Variants in CCDC92B observed in about 807,000 individuals in gnomAD.
CCDC92B encodes the protein coiled-coil domain-containing 92B.
A neutral mutation model predicts 5.6 loss-of-function variants in CCDC92B; 2 were observed. The observed-to-expected ratio is 0.36, with a 90% CI of 0.15 to 1.12. The LOEUF (loss-of-function observed/expected upper bound fraction) is 1.12. CCDC92B is among the 50% of genes most tolerant of loss of function. The pLI is 0.40. For synonymous variants in CCDC92B, 115 were observed against 122.3 expected (o/e 0.94, Z 0.39); for missense variants, 271 against 262.2 (o/e 1.03, Z -0.23).
At chr17:2,748,537 TG>T in intron 1 of CCDC92B, 1 of 965,028 alleles carries the variant, frequency 1.0e-6, no homozygotes, top group South Asian at 4.8e-5. Flanking sequence ...TGTGTGTGTG[TG>T]TGCATGTGCC....
chr17:2,730,519 G>A (rs1163840547), intron 2 of CCDC92B, 26 bp from the exon 3 acceptor site: 1 of 920,028 alleles, frequency 1.1e-6, no homozygotes, highest in Non-Finnish European at 1.3e-6. Context: ...AGAAAAGGCA[G>A]TTTGTGTGTG....
chr17:2,726,344 A>ATT (rs578243138), intron 3 of CCDC92B, among the ~76,000 whole-genome samples: 60 of 144,202 alleles, frequency 4.2e-4, no homozygotes, highest in Middle Eastern at 7.4e-3. Context: ...TGCCTGGCTT[A>ATT]TTTTTTTTTT....
At chr17:2,736,774 G>C (rs934894610) in intron 1 of CCDC92B, among the ~76,000 whole-genome samples, 1 of 150,700 alleles carries the variant, frequency 6.6e-6, no homozygotes, top group Non-Finnish European at 1.5e-5. Flanking sequence ...TCAGCTACTC[G>C]GGAGGCTGAG....
intron 1 of CCDC92B, among the ~76,000 whole-genome samples, chr17:2,745,489 G>C (rs1267115414): frequency 6.6e-6 from 1 of 152,136 alleles, no homozygotes; most frequent in Non-Finnish European, 1.5e-5. Context: ...AACTAGGCAG[G>C]CTGCTTTTCT....
intron 2 of CCDC92B, among the ~76,000 whole-genome samples, chr17:2,732,780 G>GAAGC: frequency 6.6e-6 from 1 of 151,396 alleles, no homozygotes; most frequent in Non-Finnish European, 1.5e-5. Flanking sequence ...TTGGGAGGCC[G>GAAGC]AGGTGGGCGG....
chr17:2,732,590 A>T (rs1194536296), intron 2 of CCDC92B, among the ~76,000 whole-genome samples: 1 of 151,790 alleles, frequency 6.6e-6, no homozygotes. Flanking sequence ...GGTGGCGGGC[A>T]CCTGTAATCC....
At position 2,723,938 on chromosome 17, in the gene CCDC92B, A is replaced by G. The variant is rs907060032; in HGVS notation, c.*473T>C. The G allele has an allele frequency of 3.2e-6, 3 of 948,370 alleles. No individual in the cohort carries two copies. Among genetic ancestry groups the G allele is most frequent in the Non-Finnish European group, 1.2e-6 (1 of 818,758 alleles). The allele number at this position is 948,370 out of a possible 1,614,324, so 58.7% of individuals were successfully genotyped here. ...GCCTGGGCCTCTCCTGGGGAGGAAG[A>G]AGGCTTGGCGGGAAGGGCGTCGGCG... On this transcript the variant is annotated 3_prime_UTR_variant, in exon 4 of 4. Coordinates refer to ENST00000614400, the MANE Select transcript of CCDC92B (RefSeq NM_001355573.2).
chr17:2,735,749 T>C (rs151263978), intron 1 of CCDC92B, among the ~76,000 whole-genome samples: 137 of 152,186 alleles, frequency 9.0e-4, no homozygotes, highest in Non-Finnish European at 1.8e-3. Flanking sequence ...CTTTAGCCTC[T>C]TCTACTTCTC....
intron 1 of CCDC92B, among the ~76,000 whole-genome samples, chr17:2,736,652 C>G (rs1002650292): frequency 1.3e-5 from 2 of 151,556 alleles, no homozygotes; most frequent in South Asian, 4.2e-4. Context: ...AGGCCAAGGT[C>G]GGCGGATCAC....
chr17:2,724,872 A>G lies in CCDC92B; in HGVS notation c.307T>C (p.Cys103Arg). 1 of 985,114 alleles carries G rather than the reference A, an allele frequency of 1.0e-6. No individual in the cohort carries two copies. 61.0% of individuals were successfully genotyped at this position (985,114 alleles called of 1,614,324 possible). The change falls in exon 4 of 4, where the codon TGC becomes CGC. Residue 103 changes from cysteine to arginine, a missense_variant. By Grantham distance (180) the Cys-to-Arg change is radical. Coordinates refer to ENST00000614400, the MANE Select transcript of CCDC92B (RefSeq NM_001355573.2). This position sits in a 1 kb window ranked among gnomAD's most constrained non-coding sequence, Gnocchi z 5.0. The part of the protein sequence containing the change: ...QREALVSALR[C>R]SLRTEERRFL... ...CGGCGCTCCTCGGTGCGCAGGCTGC[A>G]GCGCAGCGCGGACACCAGCGCCTCG...
At chr17:2,748,433 T>C (rs906196770) in intron 1 of CCDC92B, 42 of 660,008 alleles carry the variant, frequency 6.4e-5, no homozygotes, top group Non-Finnish European at 7.8e-5. Context: ...CTCTTTGTTC[T>C]GTGTGTGTGT....
intron 2 of CCDC92B, among the ~76,000 whole-genome samples, chr17:2,734,024 T>C (rs2070830423): frequency 6.6e-6 from 1 of 152,060 alleles, no homozygotes; most frequent in African/African-American, 2.4e-5. Context: ...CCTCCCAAAG[T>C]GCTGGGATTA....
At chr17:2,741,985 CAAA>C (rs544103814) in intron 1 of CCDC92B, among the ~76,000 whole-genome samples, 2 of 73,570 alleles carry the variant, frequency 2.7e-5, no homozygotes, top group Admixed American at 3.1e-4. Flanking sequence ...GACTCCATCT[CAAA>C]AAAAAAAAAA....
chr17:2,739,078 A>C (rs953951698), intron 1 of CCDC92B, among the ~76,000 whole-genome samples: 7 of 150,072 alleles, frequency 4.7e-5, no homozygotes, highest in African/African-American at 1.5e-4. Context: ...CTCAAAAATA[A>C]ATAAATAGGG....
intron 2 of CCDC92B, among the ~76,000 whole-genome samples, chr17:2,734,215 G>C (rs996508904): frequency 6.6e-6 from 1 of 151,900 alleles, no homozygotes; most frequent in Non-Finnish European, 1.5e-5. Flanking sequence ...TGATATCTTG[G>C]CATGTCCACA....
rs2070702949 is a variant in CCDC92B at position 2,724,672 on chromosome 17, G to A, written c.507C>T (p.Arg169=). Reference sequence around the variant, plus strand: ...CAGGCGGGCGGCGGGCTCGCAGTGCGCGGCGGCGTGGCCTGGGCTCGGCGG... The same window carrying A: ...CAGGCGGGCGGCGGGCTCGCAGTGCACGGCGGCGTGGCCTGGGCTCGGCGG... ...GATAEPRPRR[R]ALRARRPPAA... Residue 169 remains arginine, a synonymous_variant, in exon 4 of 4, where the codon CGC becomes CGT. Coordinates refer to ENST00000614400, the MANE Select transcript of CCDC92B (RefSeq NM_001355573.2). This position sits in a 1 kb window ranked among gnomAD's most constrained non-coding sequence, Gnocchi z 5.0. 1.0e-6 allele frequency: 1 copy of A among 981,938 alleles called. No homozygotes were observed. The highest frequency in any genetic ancestry group is 1.2e-6 in the Non-Finnish European group (1 of 828,296). The allele number at this position is 981,938 out of a possible 1,614,324, so 60.8% of individuals were successfully genotyped here. A position where few individuals can be genotyped will look rare whatever the true frequency, so the allele number is the denominator to read the frequency against.
intron 1 of CCDC92B, among the ~76,000 whole-genome samples, chr17:2,746,271 C>T (rs552011301): frequency 6.6e-6 from 1 of 152,058 alleles, no homozygotes; most frequent in Non-Finnish European, 1.5e-5. Flanking sequence ...TGTGAGCCAC[C>T]GCGCCCAGCC....
chr17:2,742,907 T>G (rs2070939445), intron 1 of CCDC92B, among the ~76,000 whole-genome samples: 1 of 152,234 alleles, frequency 6.6e-6, no homozygotes, highest in African/African-American at 2.4e-5. Context: ...GAGTCATGTT[T>G]GATTCCTCTC....
intron 1 of CCDC92B, among the ~76,000 whole-genome samples, chr17:2,743,971 G>A (rs1034087561): frequency 6.6e-6 from 1 of 151,874 alleles, no homozygotes; most frequent in South Asian, 2.1e-4. Context: ...TCCACCTCCC[G>A]GGTTCGAGCA....
Sources: gnomAD v4.1 joint callset for allele counts (sites outside exome capture counted in the v4.1 genomes callset) on GRCh38, gnomAD v4.1.1 for gene constraint, Gnocchi (gnomAD v3.1) non-coding constraint, MANE v1.5 for transcripts, NCBI Gene and HGNC (gene_info 2026-07-23, HGNC 2026-07-21) for gene names.